ABCA13: variants seen among roughly 807,000 people sequenced by gnomAD.
The protein encoded by ABCA13 is ATP binding cassette subfamily A member 13.
A neutral mutation model predicts 478.7 loss-of-function variants in ABCA13; 476 were observed. The ratio of observed to expected loss-of-function variants is 0.99; its 90% CI spans 0.92 to 1.07. The LOEUF is 1.07. Ranked by LOEUF, ABCA13 falls within the 50% of genes least tolerant of loss-of-function variation. The pLI is 0.00. For synonymous variants in ABCA13, 2,252 were observed against 2,158.9 expected (o/e 1.04, Z -1.20); for missense variants, 6,060 against 5,910.6 (o/e 1.03, Z -0.83).
Position 48,279,619 on chromosome 7 carries a change from C to T in ABCA13, c.8425C>T (p.His2809Tyr), listed in dbSNP as rs778863177. ...CACACCTTTGAGTCAGAATATAACT[C>T]ATCATCAACTTGAAAAAGCAATCCA... ...FDTPLSQNITHHQLEKAIHNV... is the reference protein window; with the variant it reads ...FDTPLSQNITYHQLEKAIHNV... The change falls in exon 18 of 62, where the codon CAT (histidine) becomes TAT (tyrosine). Residue 2809 changes from histidine (H) to tyrosine (Y), a missense_variant. Physicochemically the swap from His to Tyr is moderately conservative, Grantham distance 83. Around this residue, in one of 3 missense-constraint regions of ABCA13, gnomAD observed 4,423 missense variants for 4,309.1 expected, o/e 1.03. Transcript: ENST00000435803. 6.8e-6 allele frequency: 11 copies of T among 1,612,484 alleles called. No homozygotes were observed. Among genetic ancestry groups the T allele is most frequent in the Non-Finnish European group, 9.3e-6 (11 of 1,179,356 alleles).
At chr7:48,192,302 A>C (rs1797212754) in intron 1 of ABCA13, among the ~76,000 whole-genome samples, 1 of 152,074 alleles carries the variant, frequency 6.6e-6, no homozygotes, top group Non-Finnish European at 1.5e-5. Context: ...TATTGCAATC[A>C]TTTGAGTAGC....
intron 53 of ABCA13, among the ~76,000 whole-genome samples, chr7:48,521,828 AT>A (rs1385860484): frequency 6.6e-6 from 1 of 152,184 alleles, no homozygotes; most frequent in Non-Finnish European, 1.5e-5. Context: ...GAGCATAGAA[AT>A]TTAAGTGAAT....
intron 21 of ABCA13, among the ~76,000 whole-genome samples, chr7:48,296,465 T>TC (rs1407318608): frequency 9.3e-6 from 1 of 107,240 alleles, no homozygotes; most frequent in Non-Finnish European, 1.9e-5. Context: ...TTCTTTTCTC[T>TC]TTTTTTTTTT....
At chr7:48,434,003 G>T (rs6978616) in intron 42 of ABCA13, among the ~76,000 whole-genome samples, 45,198 of 151,680 alleles carry the variant, frequency 0.3, 6,809 homozygotes, top group East Asian at 0.38. Flanking sequence ...ATCTGTTCAA[G>T]CCCCCTGCTT....
intron 48 of ABCA13, among the ~76,000 whole-genome samples, chr7:48,492,350 C>T (rs1217525238): frequency 6.6e-6 from 1 of 152,202 alleles, no homozygotes; most frequent in Non-Finnish European, 1.5e-5. Flanking sequence ...TCAGACATCA[C>T]CTCTGTTGGA....
At chr7:48,519,020 C>T (rs770704959) in intron 52 of ABCA13, among the ~76,000 whole-genome samples, 5 of 151,658 alleles carry the variant, frequency 3.3e-5, no homozygotes, top group East Asian at 1.9e-4. Flanking sequence ...TGTGTTCATG[C>T]GTTCTCATTG....
intron 42 of ABCA13, among the ~76,000 whole-genome samples, chr7:48,439,544 C>A (rs1021807005): frequency 5.9e-5 from 9 of 151,982 alleles, no homozygotes; most frequent in Non-Finnish European, 1.0e-4. Context: ...AACAGTATCC[C>A]AATTATGATA....
intron 55 of ABCA13, among the ~76,000 whole-genome samples, chr7:48,538,446 C>T (rs904387251): frequency 1.3e-5 from 2 of 151,982 alleles, no homozygotes; most frequent in Non-Finnish European, 2.9e-5. Flanking sequence ...ATTTTAAAGA[C>T]TTTTTTGAAG....
At chr7:48,379,094 A>G (rs1321975121) in intron 35 of ABCA13, among the ~76,000 whole-genome samples, 1 of 152,386 alleles carries the variant, frequency 6.6e-6, no homozygotes, top group African/African-American at 2.4e-5. Flanking sequence ...GCACATATTT[A>G]TAACACATAT....
intron 15 of ABCA13, among the ~76,000 whole-genome samples, chr7:48,268,303 CCCA>C (rs1795135029): frequency 6.6e-6 from 1 of 151,920 alleles, no homozygotes; most frequent in Non-Finnish European, 1.5e-5. Flanking sequence ...ATCACAGGCG[CCCA>C]CCACCACACC....
At chr7:48,352,954 A>G (rs1283292390) in intron 31 of ABCA13, among the ~76,000 whole-genome samples, 2 of 151,950 alleles carry the variant, frequency 1.3e-5, no homozygotes, top group African/African-American at 4.9e-5. Context: ...GAGAACATTT[A>G]GGAGTTTGAT....
chr7:48,584,774 G>C (rs1789014838), intron 56 of ABCA13, among the ~76,000 whole-genome samples: 1 of 152,100 alleles, frequency 6.6e-6, no homozygotes. Flanking sequence ...ATGTTTTTGT[G>C]ACCAGACATA....
intron 27 of ABCA13, among the ~76,000 whole-genome samples, chr7:48,329,488 T>G (rs1269113744): frequency 6.6e-6 from 1 of 152,182 alleles, no homozygotes; most frequent in African/African-American, 2.4e-5. Flanking sequence ...GTCCTCTGTA[T>G]GGGAAGGTCA....
chr7:48,367,527 G>A (rs577724151), intron 31 of ABCA13, among the ~76,000 whole-genome samples: 1 of 152,188 alleles, frequency 6.6e-6, no homozygotes, highest in South Asian at 2.1e-4. Context: ...TCTGCCTATG[G>A]CAGGTGTCAG....
intron 39 of ABCA13, among the ~76,000 whole-genome samples, chr7:48,409,047 G>A (rs888813662): frequency 5.9e-5 from 9 of 152,154 alleles, no homozygotes; most frequent in East Asian, 1.9e-4. Flanking sequence ...ACATGAACAC[G>A]TTGTGTAATG....
At chr7:48,448,545 T>C (rs909442916) in intron 42 of ABCA13, among the ~76,000 whole-genome samples, 20 of 152,190 alleles carry the variant, frequency 1.3e-4, no homozygotes, top group Admixed American at 1.2e-3. Context: ...GCTATTACAA[T>C]CATAGGGCAT....
chr7:48,314,291 G>A lies in ABCA13; in HGVS notation c.9741G>A (p.Lys3247=), dbSNP rs1802222302. 2 of 1,613,812 alleles carry A rather than the reference G, an allele frequency of 1.2e-6. No homozygotes were observed. The highest frequency in any genetic ancestry group is 1.7e-6 in the Non-Finnish European group (2 of 1,179,854). ...TTGGTTCTTTCCAGTTTGTGATGAA[G>A]ATGGTTTGCAAGGACCAAGCATCAT... The part of the protein sequence containing the change: ...SAFGSFQFVM[K]MVCKDQASFL... Residue 3247 remains lysine, a synonymous_variant, in exon 26 of 62, where the codon AAG becomes AAA. Transcript: ENST00000435803.
chr7:48,310,452 C>T (rs368484453), intron 24 of ABCA13, among the ~76,000 whole-genome samples: 10 of 152,270 alleles, frequency 6.6e-5, no homozygotes, highest in South Asian at 6.2e-4. Flanking sequence ...AACACAGCAC[C>T]GCTTCCTAAT....
chr7:48,323,917 C>T (rs1362691900), intron 27 of ABCA13, among the ~76,000 whole-genome samples: 1 of 152,190 alleles, frequency 6.6e-6, no homozygotes, highest in African/African-American at 2.4e-5. Context: ...TTCCCCTGCA[C>T]AAGCTCTCTT....
Sources: gnomAD v4.1 joint callset for allele counts (sites outside exome capture counted in the v4.1 genomes callset) on GRCh38, gnomAD v4.1.1 for gene constraint, gnomAD v4.1.1 regional missense constraint, MANE v1.5 for transcripts, NCBI Gene and HGNC (gene_info 2026-07-23, HGNC 2026-07-21) for gene names.